The following YAP1 variants were observed in gnomAD, a reference collection of about 807,000 sequenced individuals.
The protein encoded by YAP1 is Yes1 associated transcriptional regulator.
A neutral mutation model predicts 56.9 loss-of-function variants in YAP1; 5 were observed. The observed-to-expected ratio is 0.09, with a 90% CI of 0.05 to 0.18. The LOEUF is 0.18. Ranked by LOEUF, YAP1 falls within the 10% of genes least tolerant of loss-of-function variation. YAP1 has a pLI of 1.00. For missense variants in YAP1, 539 were observed against 651.8 expected, an observed-to-expected ratio of 0.83 and a Z score of 1.88; for synonymous variants, 265 against 248.1, an observed-to-expected ratio of 1.07 and a Z score of -0.64.
chr11:102,190,797 G>T (rs12795139), intron 4 of YAP1, among the ~76,000 whole-genome samples: 20,582 of 152,080 alleles, frequency 0.14, 1,859 homozygotes, highest in Non-Finnish European at 0.2. Context: ...TTAGCCAGGT[G>T]TGATGGCACA....
chr11:102,208,008 T>C (rs1949210194), intron 5 of YAP1, among the ~76,000 whole-genome samples: 1 of 152,148 alleles, frequency 6.6e-6, no homozygotes, highest in Non-Finnish European at 1.5e-5. Flanking sequence ...AGGAATACAA[T>C]TGCCTTTGAT....
chr11:102,184,532 A>G (rs113885837), intron 3 of YAP1, among the ~76,000 whole-genome samples: 213 of 152,284 alleles, frequency 1.4e-3, no homozygotes, highest in African/African-American at 4.8e-3. Context: ...AACTAATTCC[A>G]CACGTCTGCA....
intron 2 of YAP1, among the ~76,000 whole-genome samples, chr11:102,158,620 A>C (rs1276596736): frequency 2.0e-5 from 3 of 152,222 alleles, no homozygotes; most frequent in Admixed American, 6.5e-5. Context: ...CATTCTTTGA[A>C]GTTTCCAAAC....
chr11:102,114,037 C>T, intron 1 of YAP1, 107 bp from the exon 2 acceptor site: 1 of 1,220,052 alleles, frequency 8.2e-7, no homozygotes, highest in African/African-American at 1.5e-5. Flanking sequence ...TGAAATTTTC[C>T]TTTGGTACTT....
chr11:102,217,611 A>G (rs1591449805), intron 6 of YAP1, among the ~76,000 whole-genome samples: 1 of 152,254 alleles, frequency 6.6e-6, no homozygotes, highest in East Asian at 1.9e-4. Flanking sequence ...CGAATAATCT[A>G]CAATGACAAA....
intron 6 of YAP1, among the ~76,000 whole-genome samples, chr11:102,215,888 G>A (rs1949636869): frequency 6.6e-6 from 1 of 152,168 alleles, no homozygotes; most frequent in African/African-American, 2.4e-5. Context: ...TAGGGAAATT[G>A]CATATATTTA....
intron 2 of YAP1, among the ~76,000 whole-genome samples, chr11:102,148,226 G>A (rs917286090): frequency 1.3e-5 from 2 of 152,164 alleles, no homozygotes; most frequent in Non-Finnish European, 2.9e-5. Context: ...GTAAGAGATT[G>A]CAGCTTTGAT....
chr11:102,180,232 G>A (rs1278962522), intron 3 of YAP1, among the ~76,000 whole-genome samples: 1 of 151,828 alleles, frequency 6.6e-6, no homozygotes, highest in East Asian at 1.9e-4. Flanking sequence ...GGCCAGGCTG[G>A]TCTCGAACTC....
intron 2 of YAP1, among the ~76,000 whole-genome samples, chr11:102,133,711 T>G (rs149161202): frequency 2.0e-5 from 3 of 152,340 alleles, no homozygotes; most frequent in African/African-American, 7.2e-5. Flanking sequence ...TATTAGGCTG[T>G]TAAGATTTCA....
At chr11:102,166,492 G>C (rs1946618300) in intron 3 of YAP1, among the ~76,000 whole-genome samples, 1 of 152,180 alleles carries the variant, frequency 6.6e-6, no homozygotes, top group South Asian at 2.1e-4. Context: ...ATCTTTTAAG[G>C]AGTTTTTAAA....
chr11:102,130,630 T>C (rs766070666), intron 2 of YAP1, among the ~76,000 whole-genome samples: 9 of 151,488 alleles, frequency 5.9e-5, no homozygotes, highest in Non-Finnish European at 1.2e-4. Flanking sequence ...ATCAAACTCC[T>C]GGACTCAAGC....
At chr11:102,174,865 C>T (rs73582053) in intron 3 of YAP1, among the ~76,000 whole-genome samples, 1,623 of 152,230 alleles carry the variant, frequency 0.011, 35 homozygotes, top group African/African-American at 0.038. Flanking sequence ...AGTTGGGGCA[C>T]CAGTATGCTG....
intron 2 of YAP1, 124 bp downstream of exon 2, chr11:102,114,518 C>A (rs774133456): frequency 4.3e-6 from 5 of 1,169,102 alleles, no homozygotes; most frequent in Non-Finnish European, 5.8e-6. Context: ...TTATGTTAAG[C>A]TCTGTAGCTC....
chr11:102,114,584 G>T (rs545881397), intron 2 of YAP1, among the ~76,000 whole-genome samples, 190 bp downstream of exon 2: 1 of 152,102 alleles, frequency 6.6e-6, no homozygotes, highest in African/African-American at 2.4e-5. Context: ...TGTTAGTATG[G>T]GTAATATTTT....
chr11:102,132,659 G>T (rs1299961610), intron 2 of YAP1, among the ~76,000 whole-genome samples: 1 of 152,130 alleles, frequency 6.6e-6, no homozygotes, highest in African/African-American at 2.4e-5. Flanking sequence ...GAAAATGCTG[G>T]TTGAAAGGGA....
chr11:102,163,507 T>G (rs531068413), intron 3 of YAP1, among the ~76,000 whole-genome samples: 5 of 152,280 alleles, frequency 3.3e-5, no homozygotes, highest in Admixed American at 2.6e-4. Context: ...GCATTTGGGC[T>G]GGATTTCTGA....
At chr11:102,196,981 G>A (rs570330432) in intron 4 of YAP1, among the ~76,000 whole-genome samples, 3 of 152,078 alleles carry the variant, frequency 2.0e-5, no homozygotes, top group South Asian at 2.1e-4. Context: ...ACTTTATAGC[G>A]ACTCTCTATT....
chr11:102,112,526 T>C (rs1224096177), intron 1 of YAP1: 1 of 984,718 alleles, frequency 1.0e-6, no homozygotes, highest in Non-Finnish European at 1.2e-6. Flanking sequence ...GCAATGTAGT[T>C]AGCCCACTCG....
At chr11:102,127,437 GC>G (rs1944100841) in intron 2 of YAP1, among the ~76,000 whole-genome samples, 1 of 152,248 alleles carries the variant, frequency 6.6e-6, no homozygotes, top group Admixed American at 6.5e-5. Flanking sequence ...GAGGTTGGAA[GC>G]CCCAAGCCTT....
Sources: allele counts gnomAD v4.1 joint callset (sites outside exome capture counted in the v4.1 genomes callset), GRCh38; gene constraint gnomAD v4.1.1; transcripts MANE v1.5; gene names NCBI Gene and HGNC (gene_info 2026-07-23, HGNC 2026-07-21).